The following TENM1 variants were observed in gnomAD, a reference collection of about 807,000 sequenced individuals.
TENM1 encodes the protein teneurin-1.
TENM1 carries 35 observed loss-of-function variants against 174.8 expected under a neutral mutation model. That is an observed-to-expected ratio of 0.20 (90% CI 0.15 to 0.27). TENM1 has a LOEUF of 0.27. Among genes scored for constraint, TENM1 ranks in the 10% least tolerant of loss-of-function variants. The probability of loss-of-function intolerance (pLI) is 1.00; values close to 1 mark genes in which losing one functional copy is unlikely to be tolerated. For missense variants in TENM1, 1,633 were observed against 2,130.1 expected (o/e 0.77, Z 4.59); for synonymous variants, 781 against 798.7 (o/e 0.98, Z 0.37).
chrX:124,717,668 TA>T (rs1204183441), intron 4 of TENM1, among the ~76,000 whole-genome samples: 4 of 111,532 alleles, frequency 3.6e-5, no homozygotes, highest in Admixed American at 1.9e-4. Context: ...CTCTGCATCT[TA>T]AAAAAAACCT....
At chrX:124,828,803 CAAGA>C (rs959846458) in intron 3 of TENM1, among the ~76,000 whole-genome samples, 1 of 111,474 alleles carries the variant, frequency 9.0e-6, no homozygotes, top group African/African-American at 3.3e-5. Flanking sequence ...CAGCTAAACA[CAAGA>C]AAGAAAGAAA....
the TENM1 span, among the ~76,000 whole-genome samples, chrX:125,114,441 A>G: frequency 1.8e-5 from 2 of 111,543 alleles, no homozygotes; most frequent in East Asian, 2.8e-4. Flanking sequence ...GAAAAAATCA[A>G]TGAACCCAGG....
chrX:124,487,178 C>T, intron 21 of TENM1, 31 bp downstream of exon 24: 1 of 1,156,400 alleles, frequency 8.6e-7, no homozygotes, highest in Admixed American at 2.6e-5. Flanking sequence ...CAAGAGGGGG[C>T]ATTAGGTAGC....
the TENM1 span, among the ~76,000 whole-genome samples, chrX:125,196,005 A>AGAAGGAAG: frequency 6.2e-5 from 6 of 96,386 alleles, no homozygotes; most frequent in African/African-American, 2.2e-4. Flanking sequence ...AAGGAAGAAA[A>AGAAGGAAG]GAAGGAACGA....
chrX:124,646,889 G>A lies in TENM1; in HGVS notation c.1580-79C>T, dbSNP rs1406168879. On this transcript the variant is annotated intron_variant, in intron 8 of 31. Coordinates refer to ENST00000422452, the Ensembl canonical transcript of TENM1. The stretch of plus-strand genomic sequence containing the variant: ...GTCTTTATTTTTTTTTAAGTTGCAG[G>A]AACTCTGGACCTATGACAATTTTGC... 5.7e-6 allele frequency: 4 copies of A among 703,381 alleles called. No homozygotes were observed. The African/African-American group carries it at 8.8e-5, about 15-fold the overall frequency. The allele number at this position is 703,381 out of a possible 1,213,427, so 58.0% of individuals were successfully genotyped here.
the TENM1 span, among the ~76,000 whole-genome samples, chrX:125,054,187 T>A: frequency 9.1e-6 from 1 of 110,178 alleles, no homozygotes; most frequent in Non-Finnish European, 1.9e-5. Context: ...ATATAGGATA[T>A]CCTATTCCCA....
chrX:125,090,660 G>C, the TENM1 span, among the ~76,000 whole-genome samples: 1 of 111,074 alleles, frequency 9.0e-6, no homozygotes, highest in Non-Finnish European at 1.9e-5. Flanking sequence ...GTCTCAAAAA[G>C]AAAGCATGCA....
At chrX:124,762,287 G>A in intron 3 of TENM1, among the ~76,000 whole-genome samples, 1 of 111,305 alleles carries the variant, frequency 9.0e-6, no homozygotes, top group African/African-American at 3.3e-5. Flanking sequence ...ATAAATTTGG[G>A]GGACACAATT....
chrX:124,784,664 G>T (rs777482783), intron 3 of TENM1, among the ~76,000 whole-genome samples: 9 of 111,675 alleles, frequency 8.1e-5, no homozygotes, highest in Non-Finnish European at 1.3e-4. Flanking sequence ...GGATTTTAAA[G>T]TTGGGACAGA....
chrX:124,551,040 G>A (rs1479478510), intron 14 of TENM1, among the ~76,000 whole-genome samples: 3 of 112,790 alleles, frequency 2.7e-5, no homozygotes, highest in Admixed American at 9.3e-5. Flanking sequence ...GATTACAGGC[G>A]TAAGCCACCG....
chrX:125,115,711 A>G, the TENM1 span, among the ~76,000 whole-genome samples: 1 of 111,381 alleles, frequency 9.0e-6, no homozygotes, highest in African/African-American at 3.3e-5. Flanking sequence ...AAGGAGAACT[A>G]CAAGCCACTT....
chrX:124,599,049 G>A (rs1027777852), intron 11 of TENM1, among the ~76,000 whole-genome samples: 5 of 111,294 alleles, frequency 4.5e-5, no homozygotes, highest in Non-Finnish European at 1.9e-5. Context: ...GGATGTATGT[G>A]TAGCAAACAA....
chrX:124,699,060 T>C (rs1199449104), intron 5 of TENM1, among the ~76,000 whole-genome samples: 1 of 112,139 alleles, frequency 8.9e-6, no homozygotes, highest in East Asian at 2.8e-4. Flanking sequence ...TCAGAGTAAG[T>C]ATAGCTTAAC....
rs558826539 is a variant in TENM1 at position 124,460,075 on chromosome X, A to G, written c.3950-6584T>C. ...ATTGGCTATTATTAAAAGTCAAAAAATAACAGATGCTGGCAAGGTTGTGGA... is the reference window on the plus strand; with the variant it reads ...ATTGGCTATTATTAAAAGTCAAAAAGTAACAGATGCTGGCAAGGTTGTGGA... On this transcript the variant is annotated intron_variant, in intron 22 of 31. Coordinates refer to ENST00000422452, the Ensembl canonical transcript of TENM1. Among the ~76,000 whole-genome samples, 4 of 112,018 alleles carry G rather than the reference A, an allele frequency of 3.6e-5. No individual in the cohort carries two copies. The South Asian group carries it at 1.5e-3, about 42-fold the overall frequency.
intron 25 of TENM1, among the ~76,000 whole-genome samples, chrX:124,407,663 GTA>G (rs1216164771): frequency 8.9e-5 from 10 of 112,542 alleles, no homozygotes; most frequent in African/African-American, 1.3e-4. Context: ...CAGTTGGACT[GTA>G]CTTTATAGGA....
the TENM1 span, among the ~76,000 whole-genome samples, chrX:125,123,919 T>C: frequency 8.9e-6 from 1 of 112,746 alleles, no homozygotes; most frequent in Non-Finnish European, 1.9e-5. Flanking sequence ...AAATGCTTTG[T>C]AATGTAGAAG....
chrX:125,181,130 T>G, the TENM1 span, among the ~76,000 whole-genome samples: 2 of 112,160 alleles, frequency 1.8e-5, no homozygotes, highest in Non-Finnish European at 1.9e-5. Context: ...CCAGGCATTG[T>G]GCAAGGTGTT....
At chrX:124,509,559 C>T (rs2047530586) in intron 18 of TENM1, among the ~76,000 whole-genome samples, 2 of 110,838 alleles carry the variant, frequency 1.8e-5, no homozygotes, top group African/African-American at 3.3e-5. Context: ...AAGTGAGGTG[C>T]TGTTATTTAA....
the TENM1 span, among the ~76,000 whole-genome samples, chrX:125,022,248 T>G: frequency 9.0e-6 from 1 of 111,394 alleles, no homozygotes; most frequent in Non-Finnish European, 1.9e-5. Context: ...TCCACATAGG[T>G]TTTTCAAGGA....
Sources: gnomAD v4.1 joint callset for allele counts (sites outside exome capture counted in the v4.1 genomes callset) on GRCh38, gnomAD v4.1.1 for gene constraint, MANE v1.5 for transcripts, NCBI Gene and HGNC (gene_info 2026-07-23, HGNC 2026-07-21) for gene names.